The following GUCY1A2 variants were observed in gnomAD, a reference collection of about 807,000 sequenced individuals.
The protein encoded by GUCY1A2 is guanylate cyclase soluble subunit alpha-2.
Under a neutral mutation model 63.5 loss-of-function variants are expected in GUCY1A2, and 27 were observed. The observed-to-expected ratio is 0.43, with a 90% CI of 0.31 to 0.59. The LOEUF (loss-of-function observed/expected upper bound fraction) is 0.59. GUCY1A2 is among the 20% of genes least tolerant of loss of function. GUCY1A2 has a pLI of 0.11. For missense variants in GUCY1A2, 768 were observed against 913.3 expected (o/e 0.84, Z 2.05); for synonymous variants, 364 against 343.5 (o/e 1.06, Z -0.66).
At chr11:106,759,944 G>C (rs1286339750) in intron 6 of GUCY1A2, among the ~76,000 whole-genome samples, 1 of 152,064 alleles carries the variant, frequency 6.6e-6, no homozygotes, top group Non-Finnish European at 1.5e-5. Flanking sequence ...TCAAAAAAAC[G>C]AAAAGGAGAA....
intron 3 of GUCY1A2, among the ~76,000 whole-genome samples, chr11:106,950,603 A>C (rs1263821111): frequency 2.0e-5 from 3 of 151,980 alleles, no homozygotes; most frequent in African/African-American, 7.3e-5. Flanking sequence ...GGGGGAGGGG[A>C]TTACTGTGAC....
chr11:106,878,672 T>C (rs950910241), intron 4 of GUCY1A2, among the ~76,000 whole-genome samples: 2 of 150,866 alleles, frequency 1.3e-5, no homozygotes, highest in Non-Finnish European at 3.0e-5. Context: ...AAATAACTAA[T>C]GGGTACTAGG....
rs1591239599 is a variant in GUCY1A2, at chr11:106,708,644, C to G, written c.1859G>C (p.Gly620Ala). Residue 620 changes from glycine to alanine, a missense_variant, in exon 7 of 8, where the codon GGC becomes GCC. Gly to Ala is a moderately conservative substitution (Grantham distance 60, BLOSUM62 0). Transcript: ENST00000526355. ...CCCAACAACTCCAGCCAGCACGGAG[C>G]CTGAGTGAATTCCTATCCTCATCTA... The part of the protein sequence containing the change: ...PIQMRIGIHS[G>A]SVLAGVVGVR... 6.2e-7 allele frequency: 1 copy of G among 1,606,922 alleles called. No homozygotes were observed. Among genetic ancestry groups the G allele is most frequent in the Admixed American group, 1.7e-5 (1 of 59,290 alleles).
chr11:106,708,576 G>C lies in GUCY1A2; in HGVS notation c.1927C>G (p.Leu643Val). ...CTTCCCGACTCGAATTTGCTTGCCA[G>C]TGTGACATTATTTCCAAACAGGCAA... Reference protein sequence around the residue: ...RYCLFGNNVTLASKFESGSHP... With the variant: ...RYCLFGNNVTVASKFESGSHP... Residue 643 changes from leucine to valine, a missense_variant, in exon 7 of 8, where the codon CTG becomes GTG. Leu to Val is a conservative substitution (Grantham distance 32). This residue lies in a region of GUCY1A2 where 150 missense variants were observed against 188.3 expected (regional missense o/e 0.80). Coordinates refer to ENST00000526355, the MANE Select transcript of GUCY1A2 (RefSeq NM_000855.3). 6.2e-7 allele frequency: 1 copy of C among 1,613,064 alleles called. No individual in the cohort carries two copies. Among genetic ancestry groups the C allele is most frequent in the Non-Finnish European group, 8.5e-7 (1 of 1,179,440 alleles).
At chr11:106,900,850 G>C (rs7114159) in intron 4 of GUCY1A2, among the ~76,000 whole-genome samples, 1 of 152,108 alleles carries the variant, frequency 6.6e-6, no homozygotes, top group African/African-American at 2.4e-5. Flanking sequence ...AAATGCTAAT[G>C]ATTATCTGAG....
intron 4 of GUCY1A2, among the ~76,000 whole-genome samples, chr11:106,891,187 G>A (rs1859968491): frequency 6.6e-6 from 1 of 152,100 alleles, no homozygotes; most frequent in Non-Finnish European, 1.5e-5. Context: ...GTATGTCACT[G>A]TGGTTTTAAT....
At chr11:106,801,094 C>T (rs978018404) in intron 5 of GUCY1A2, among the ~76,000 whole-genome samples, 4 of 151,924 alleles carry the variant, frequency 2.6e-5, no homozygotes, top group South Asian at 2.1e-4. Context: ...CTTTAACCTC[C>T]GGGAGCCAAA....
intron 6 of GUCY1A2, among the ~76,000 whole-genome samples, chr11:106,711,688 T>G (rs1164416654): frequency 6.6e-6 from 1 of 152,058 alleles, no homozygotes. Context: ...TTTTTCTTCT[T>G]CCTACAGGAC....
At chr11:106,898,502 T>C (rs1209749538) in intron 4 of GUCY1A2, among the ~76,000 whole-genome samples, 1 of 152,186 alleles carries the variant, frequency 6.6e-6, no homozygotes, top group African/African-American at 2.4e-5. Flanking sequence ...TGAAATTTTA[T>C]TCAGTGCTAA....
chr11:107,007,448 G>A (rs1045745151), intron 1 of GUCY1A2, among the ~76,000 whole-genome samples: 2 of 152,126 alleles, frequency 1.3e-5, no homozygotes, highest in African/African-American at 4.8e-5. Flanking sequence ...CATTATTCCT[G>A]AAGACATAAC....
chr11:106,724,146 TG>T (rs1036745984), intron 6 of GUCY1A2, among the ~76,000 whole-genome samples: 9 of 152,326 alleles, frequency 5.9e-5, no homozygotes, highest in African/African-American at 2.2e-4. Flanking sequence ...AAGGGTGGCC[TG>T]AGCCCTTTCA....
In GUCY1A2 at chr11:106,854,807, G is replaced by A. The variant is rs543153957; in HGVS notation, c.1207-44329C>T. 1.1e-3 allele frequency among the ~76,000 whole-genome samples: 166 copies of A among 152,222 alleles called. 1 individual carries two copies. Among genetic ancestry groups the A allele is most frequent in the Middle Eastern group, 0.01 (3 of 292 alleles). ...ACACAGTTGTGAAGTTGGAGTGGAGGGGAGGTTGTTCTGAGTTGCAGCAGC... is the reference window on the plus strand; with the variant it reads ...ACACAGTTGTGAAGTTGGAGTGGAGAGGAGGTTGTTCTGAGTTGCAGCAGC... On this transcript the variant is annotated intron_variant, in intron 4 of 7. Coordinates refer to ENST00000526355, the MANE Select transcript of GUCY1A2 (RefSeq NM_000855.3).
intron 7 of GUCY1A2, among the ~76,000 whole-genome samples, chr11:106,704,201 TG>T (rs1173386644): frequency 2.6e-5 from 4 of 152,040 alleles, no homozygotes; most frequent in African/African-American, 9.7e-5. Context: ...TTATAAATTA[TG>T]AGATTCAAGT....
At chr11:106,963,980 A>G (rs1050954785) in intron 3 of GUCY1A2, among the ~76,000 whole-genome samples, 1 of 152,026 alleles carries the variant, frequency 6.6e-6, no homozygotes, top group African/African-American at 2.4e-5. Flanking sequence ...ACCATTTGTG[A>G]ACAATTTGTG....
intron 5 of GUCY1A2, among the ~76,000 whole-genome samples, chr11:106,803,172 T>C (rs982942486): frequency 6.6e-6 from 1 of 152,188 alleles, no homozygotes; most frequent in Non-Finnish European, 1.5e-5. Flanking sequence ...TATTAGAATA[T>C]AAAAATAGAC....
Sources: gnomAD v4.1 joint callset for allele counts (sites outside exome capture counted in the v4.1 genomes callset) on GRCh38, gnomAD v4.1.1 for gene constraint, gnomAD v4.1.1 regional missense constraint, MANE v1.5 for transcripts, NCBI Gene and HGNC (gene_info 2026-07-23, HGNC 2026-07-21) for gene names.